TYW1B: variants seen among roughly 807,000 people sequenced by gnomAD.
TYW1B encodes S-adenosyl-L-methionine-dependent tRNA 4-demethylwyosine synthase TYW1B.
A neutral mutation model predicts 86.9 loss-of-function variants in TYW1B; 73 were observed. The observed-to-expected ratio is 0.84, with a 90% confidence interval of 0.70 to 1.02. The LOEUF is 1.02. Among genes scored for constraint, TYW1B ranks in the 50% least tolerant of loss-of-function variants. The pLI, the probability that TYW1B is intolerant of heterozygous loss-of-function variation, is 0.00. For missense variants in TYW1B, 637 were observed against 827.4 expected (o/e 0.77, Z 2.82); for synonymous variants, 248 against 292.8 (o/e 0.85, Z 1.56).
rs559148792 is a variant in TYW1B at position 72,707,868 on chromosome 7, C to T, written c.1370+5753G>A. Among the ~76,000 whole-genome samples the T allele has an allele frequency of 5.7e-4, 87 of 152,338 alleles. No individual in the cohort carries two copies. In the South Asian group the frequency reaches 0.016, roughly 29 times the overall value. ...ATGGCTGGGTGATGGGGACTTCCCC[C>T]TTGCTGTTCTCGTGATAATGAGTAA... On this transcript the variant is annotated intron_variant, in intron 10 of 13. Coordinates refer to ENST00000620995, the MANE Select transcript of TYW1B (RefSeq NM_001145440.3).
intron 11 of TYW1B, among the ~76,000 whole-genome samples, chr7:72,652,406 AT>A (rs1312855705): frequency 7.4e-5 from 11 of 149,040 alleles, no homozygotes; most frequent in South Asian, 2.1e-4. Context: ...AAAAAAAAAA[AT>A]TTTTGTGACA....
At position 72,585,962 on chromosome 7, in the gene TYW1B, T is replaced by C. The variant is rs561777026; in HGVS notation, c.1786-10243A>G. Among the ~76,000 whole-genome samples the C allele has an allele frequency of 2.0e-5, 3 of 152,204 alleles. No homozygotes were observed. In the South Asian group the frequency reaches 6.2e-4, roughly 32 times the overall value. ...GCTACTCCCATATTGCAGTTAAGAA[T>C]GAGAAATTGTGAAACGAGGATTGGA... On this transcript the variant is annotated intron_variant, in intron 13 of 13. Transcript: ENST00000620995.
intron 10 of TYW1B, among the ~76,000 whole-genome samples, chr7:72,699,630 G>A (rs1814409746): frequency 6.6e-6 from 1 of 151,768 alleles, no homozygotes; most frequent in African/African-American, 2.4e-5. Context: ...TTACAAAGCT[G>A]TTTGTATTCT....
chr7:72,750,268 T>C (rs1787477686), intron 7 of TYW1B, among the ~76,000 whole-genome samples: 1 of 152,146 alleles, frequency 6.6e-6, no homozygotes, highest in Admixed American at 6.6e-5. Flanking sequence ...ACAAATTCTT[T>C]CCATTTTCCT....
intron 8 of TYW1B, among the ~76,000 whole-genome samples, chr7:72,730,101 C>T (rs1554459549): frequency 2.0e-5 from 3 of 152,116 alleles, no homozygotes; most frequent in Non-Finnish European, 4.4e-5. Context: ...ATGAAAACTA[C>T]TCCATAAAAA....
chr7:72,624,919 C>T (rs1457316325), intron 12 of TYW1B, among the ~76,000 whole-genome samples: 10 of 151,970 alleles, frequency 6.6e-5, no homozygotes, highest in Admixed American at 5.3e-4. Context: ...ATTGGCCAAG[C>T]GTGGTGGTGT....
intron 11 of TYW1B, among the ~76,000 whole-genome samples, chr7:72,652,291 T>G (rs1472941126): frequency 4.4e-5 from 6 of 135,102 alleles, no homozygotes. Flanking sequence ...GGCAGGAGAA[T>G]GGCATGAACC....
intron 11 of TYW1B, among the ~76,000 whole-genome samples, chr7:72,689,620 T>C (rs1161363867): frequency 1.3e-5 from 2 of 152,120 alleles, no homozygotes; most frequent in African/African-American, 4.8e-5. Context: ...ATGACAGTCA[T>C]AGAGAAGTGT....
chr7:72,684,112 T>A (rs1426160011), intron 11 of TYW1B, among the ~76,000 whole-genome samples: 2 of 152,124 alleles, frequency 1.3e-5, no homozygotes, highest in Non-Finnish European at 2.9e-5. Context: ...AATGTATGTG[T>A]AACAGGAATA....
intron 9 of TYW1B, among the ~76,000 whole-genome samples, chr7:72,716,574 T>C (rs3110825): frequency 0.013 from 1,649 of 122,784 alleles, 11 homozygotes; most frequent in African/African-American, 0.035. Flanking sequence ...GATAGCACCA[T>C]GTGTGAGGGG....
intron 11 of TYW1B, among the ~76,000 whole-genome samples, chr7:72,651,199 A>C (rs1554442733): frequency 6.6e-6 from 1 of 152,208 alleles, no homozygotes; most frequent in Non-Finnish European, 1.5e-5. Flanking sequence ...CGGAAACTTA[A>C]TTATGAGAGG....
chr7:72,713,746 G>C lies in TYW1B; in HGVS notation c.1245C>G (p.His415Gln). 1 of 1,607,610 alleles carries C rather than the reference G, an allele frequency of 6.2e-7. No homozygotes were observed. The highest frequency in any genetic ancestry group is 8.5e-7 in the Non-Finnish European group (1 of 1,176,466). Residue 415 changes from histidine to glutamine, a missense_variant, in exon 10 of 14, where the codon CAC becomes CAG. Transcript: ENST00000620995. The stretch of plus-strand genomic sequence containing the variant: ...GTTCTCCCACGAGGGACAATGCACA[G>C]TGCTTTACCGTCATTCCTTCTTCAA... ...ERFEEGMTVK[H>Q]CALSLVGEPI...
chr7:72,691,980 C>A (rs1425266342), intron 11 of TYW1B, among the ~76,000 whole-genome samples: 1 of 151,642 alleles, frequency 6.6e-6, no homozygotes, highest in Non-Finnish European at 1.5e-5. Context: ...TTGAGGCAGG[C>A]GGATCACTTG....
At chr7:72,734,037 T>C (rs1223306236) in intron 8 of TYW1B, among the ~76,000 whole-genome samples, 8 of 151,890 alleles carry the variant, frequency 5.3e-5, no homozygotes, top group African/African-American at 1.9e-4. Context: ...GGCAGGCAGA[T>C]CACAAAGTCA....
Position 72,696,477 on chromosome 7 carries a change from A to G in TYW1B, c.1371-1655T>C, listed in dbSNP as rs188011763. 9.7e-4 allele frequency among the ~76,000 whole-genome samples: 148 copies of G among 152,350 alleles called. 1 individual carries two copies. Among genetic ancestry groups the G allele is most frequent in the African/African-American group, 3.4e-3 (143 of 41,596 alleles). ...AGTCCATGCATTTTTAAAAAATGAAAATATCATTCACATTCCATACAATTC... is the reference window on the plus strand; with the variant it reads ...AGTCCATGCATTTTTAAAAAATGAAGATATCATTCACATTCCATACAATTC... On this transcript the variant is annotated intron_variant, in intron 10 of 13. Transcript: ENST00000620995.
rs1262080411 is a variant in TYW1B, at chr7:72,729,075, T to G, written c.1083-144A>C. 4 of 678,538 alleles carry G rather than the reference T, an allele frequency of 5.9e-6. No individual in the cohort carries two copies. The East Asian group carries it at 1.1e-4, about 19-fold the overall frequency. The allele number at this position is 678,538 out of a possible 1,614,324, so 42.0% of individuals were successfully genotyped here. A position where few individuals can be genotyped will look rare whatever the true frequency, so the allele number is the denominator to read the frequency against. ...AGTTCAACCACGTATAGTGGTATTT[T>G]CCAACTTATTTTAAATCGTGACACC... On this transcript the variant is annotated intron_variant, in intron 8 of 13. Transcript: ENST00000620995.
At chr7:72,708,312 C>T (rs1210792373) in intron 10 of TYW1B, among the ~76,000 whole-genome samples, 2 of 152,084 alleles carry the variant, frequency 1.3e-5, no homozygotes, top group Non-Finnish European at 2.9e-5. Context: ...AAAAAAAATT[C>T]TAATTAAAAA....
At chr7:72,586,666 G>A (rs1217718582) in intron 13 of TYW1B, among the ~76,000 whole-genome samples, 2 of 152,130 alleles carry the variant, frequency 1.3e-5, no homozygotes, top group African/African-American at 4.8e-5. Flanking sequence ...GAACCTGGGA[G>A]GCGGAGGTTG....
Position 72,802,513 on chromosome 7 carries a change from G to T in TYW1B, c.733C>A (p.Pro245Thr). The stretch of plus-strand genomic sequence containing the variant: ...TCTTCTTCACTGGAGCTCTCGAAGG[G>T]TTCTTCCTCCTGGAAGAGAAATGCT... ...LHHRDTKEEE[P>T]FESSSEEEFG... Residue 245 changes from proline to threonine, a missense_variant, in exon 6 of 14, where the codon CCC (proline) becomes ACC (threonine). By Grantham distance (38) the Pro-to-Thr change is conservative. Transcript: ENST00000620995. 8 of 1,613,744 alleles carry T rather than the reference G, an allele frequency of 5.0e-6. 1 individual carries two copies. The Middle Eastern group carries it at 1.3e-3, about 267-fold the overall frequency.
Sources: gnomAD v4.1 joint callset for allele counts (sites outside exome capture counted in the v4.1 genomes callset) on GRCh38, gnomAD v4.1.1 for gene constraint, MANE v1.5 for transcripts, NCBI Gene and HGNC (gene_info 2026-07-23, HGNC 2026-07-21) for gene names.